The following SFXN3 variants were observed in gnomAD, a reference collection of about 807,000 sequenced individuals.
The protein encoded by SFXN3 is sideroflexin-3.
In SFXN3, 31 loss-of-function variants were observed where a neutral mutation model predicts 40.4. That is an observed-to-expected ratio of 0.77 (90% CI 0.58 to 1.04). The LOEUF (loss-of-function observed/expected upper bound fraction) is 1.04. Among genes scored for constraint, SFXN3 ranks in the 50% least tolerant of loss-of-function variants. The pLI is 0.00. For missense variants in SFXN3, 366 were observed against 408.2 expected (o/e 0.90, Z 0.89); for synonymous variants, 157 against 160.0 (o/e 0.98, Z 0.14).
In SFXN3 at chr10:101,034,345, G is replaced by A. The variant is rs556620332; in HGVS notation, c.-3-347G>A. Among the ~76,000 whole-genome samples, 14 of 152,316 alleles carry A rather than the reference G, an allele frequency of 9.2e-5. No individual in the cohort carries two copies. In the South Asian group the frequency reaches 2.7e-3, roughly 29 times the overall value. Reference sequence around the variant, plus strand: ...ACAAGGCACGTCCTGCACATCCCTAGATCCCTTAAACCTTGATTTTATACA... The same window carrying A: ...ACAAGGCACGTCCTGCACATCCCTAAATCCCTTAAACCTTGATTTTATACA... On this transcript the variant is annotated intron_variant, in intron 2 of 11. Coordinates refer to ENST00000393459, the Ensembl canonical transcript of SFXN3.
At position 101,039,489 on chromosome 10, in the gene SFXN3, C is replaced by T. The variant is rs1564650676; in HGVS notation, c.870C>T (p.Ser290=). 6.2e-7 allele frequency: 1 copy of T among 1,613,938 alleles called. No individual in the cohort carries two copies. Among genetic ancestry groups the T allele is most frequent in the Non-Finnish European group, 8.5e-7 (1 of 1,179,846 alleles). The change falls in exon 12 of 12, where the codon AGC becomes AGT. Residue 290 remains serine (S), a splice_region_variant and synonymous_variant. Coordinates refer to ENST00000393459, the Ensembl canonical transcript of SFXN3. The surrounding 1 kb of genome is among the most constrained non-coding windows in gnomAD (Gnocchi z 4.6). ...ACTGGCCTGTGCTGTTCTATTGCAG[C>T]TCCATACACATAAGCAACCTGGAAC...
chr10:101,038,416 T>G, intron 9 of SFXN3: 1 of 1,411,936 alleles, frequency 7.1e-7, no homozygotes, highest in South Asian at 1.6e-5. Flanking sequence ...TTCTGAGAGG[T>G]GAGAGGTCAT....
At chr10:101,031,656 C>G (rs1465020686) in intron 1 of SFXN3, 122 bp downstream of exon 1, 1 of 152,304 alleles carries the variant, frequency 6.6e-6, no homozygotes, top group Non-Finnish European at 1.5e-5. Flanking sequence ...CAGCTGGTCC[C>G]AGGACCGGAA....
rs1171110320 is a variant in SFXN3 at position 101,036,237 on chromosome 10, C to G, written c.431+136C>G. Reference sequence around the variant, plus strand: ...TCAGCGCCCTCTCCTCAGCCTGCCCCACCCCGAATTACCCTGCCTAACTGA... The same window carrying G: ...TCAGCGCCCTCTCCTCAGCCTGCCCGACCCCGAATTACCCTGCCTAACTGA... On this transcript the variant is annotated intron_variant, in intron 5 of 11. Coordinates refer to ENST00000393459, the Ensembl canonical transcript of SFXN3. The surrounding 1 kb of genome is among the most constrained non-coding windows in gnomAD (Gnocchi z 4.2). The G allele has an allele frequency of 2.5e-6, 2 of 808,458 alleles. No homozygotes were observed. Among genetic ancestry groups the G allele is most frequent in the South Asian group, 1.6e-5 (1 of 61,974 alleles). 50.1% of individuals were successfully genotyped at this position (808,458 alleles called of 1,614,324 possible).
rs1024477181 is a variant in SFXN3 at position 101,039,497 on chromosome 10, A to G, written c.878A>G (p.His293Arg). Residue 293 changes from histidine (H) to arginine (R), a missense_variant, in exon 12 of 12, where the codon CAC (histidine) becomes CGC (arginine). His to Arg is a conservative substitution (Grantham distance 29). Coordinates refer to ENST00000393459, the Ensembl canonical transcript of SFXN3. The surrounding 1 kb of genome is among the most constrained non-coding windows in gnomAD (Gnocchi z 4.6). ...GTGCTGTTCTATTGCAGCTCCATAC[A>G]CATAAGCAACCTGGAACCAGAGCTG... The G allele has an allele frequency of 3.1e-6, 5 of 1,614,072 alleles. No homozygotes were observed. The highest frequency in any genetic ancestry group is 3.4e-6 in the Non-Finnish European group (4 of 1,179,956).
intron 3 of SFXN3, 79 bp from the exon 4 acceptor site, chr10:101,035,418 C>A (rs1447782616): frequency 2.7e-6 from 4 of 1,495,072 alleles, no homozygotes; most frequent in African/African-American, 1.4e-5. Flanking sequence ...CCAGAGTTAC[C>A]CTGAGCTGGG....
chr10:101,034,939 G>T (rs754928425), intron 3 of SFXN3, 84 bp downstream of exon 3: 74 of 1,504,814 alleles, frequency 4.9e-5, no homozygotes, highest in Non-Finnish European at 6.4e-5. Context: ...GCCTCCTCAA[G>T]CTTGACAGTG....
At chr10:101,040,450 C>A (rs1448069336) in exon 12 of SFXN3, 1 of 152,220 alleles carries the variant, frequency 6.6e-6, no homozygotes, top group African/African-American at 2.4e-5. Flanking sequence ...TCCACTGCAC[C>A]CCCTCCCAAG....
chr10:101,032,623 G>T (rs919551139), intron 2 of SFXN3, 141 bp downstream of exon 2: 15 of 992,196 alleles, frequency 1.5e-5, no homozygotes, highest in Non-Finnish European at 2.1e-5. Context: ...AGGGAGGTTG[G>T]GGGGAGGAAT....
At chr10:101,038,455 A>C in intron 9 of SFXN3, 188 bp from the exon 10 acceptor site, 1 of 1,452,092 alleles carries the variant, frequency 6.9e-7, no homozygotes, top group African/African-American at 1.4e-5. Flanking sequence ...ATCAGCAGAC[A>C]GGCCTGGCTG....
Position 101,037,222 on chromosome 10 carries a change from G to A in SFXN3, c.721+19G>A. The A allele has an allele frequency of 6.2e-7, 1 of 1,613,746 alleles. No homozygotes were observed. The highest frequency in any genetic ancestry group is 8.5e-7 in the Non-Finnish European group (1 of 1,180,004). ...GCCATGGGTAAGGCGGGAGTGGCTGGGTGGGGCATAGGAGACTCTGAGAGA... is the reference window on the plus strand; with the variant it reads ...GCCATGGGTAAGGCGGGAGTGGCTGAGTGGGGCATAGGAGACTCTGAGAGA... On this transcript the variant is annotated intron_variant, in intron 8 of 11. Coordinates refer to ENST00000393459, the Ensembl canonical transcript of SFXN3.
At position 101,036,727 on chromosome 10, in the gene SFXN3, T is replaced by C; in HGVS notation, c.512T>C (p.Leu171Pro). ...AACAACACCCTTCCTCCCCAGCACC[T>C]GCCCCCCTTGGTCGGCAGATTTGTG... Residue 171 changes from leucine (L) to proline (P), a missense_variant, in exon 7 of 12, where the codon CTG (leucine) becomes CCG (proline). Physicochemically the swap from Leu to Pro is moderately conservative, Grantham distance 98. Coordinates refer to ENST00000393459, the Ensembl canonical transcript of SFXN3. The surrounding 1 kb of genome is among the most constrained non-coding windows in gnomAD (Gnocchi z 4.2). 4 of 1,610,034 alleles carry C rather than the reference T, an allele frequency of 2.5e-6. No homozygotes were observed. The highest frequency in any genetic ancestry group is 3.4e-6 in the Non-Finnish European group (4 of 1,176,792).
intron 7 of SFXN3, 29 bp from the exon 8 acceptor site, chr10:101,037,047 G>A: frequency 6.2e-7 from 1 of 1,612,344 alleles, no homozygotes. Flanking sequence ...CGGGGCCTGT[G>A]ATCTGACCCC....
exon 1 of SFXN3, chr10:101,031,297 TC>T (rs1938171424): frequency 6.6e-6 from 1 of 152,284 alleles, no homozygotes; most frequent in East Asian, 1.9e-4. Context: ...GCAGCGGAGT[TC>T]TTTACCCACC....
rs770648118 is a variant in SFXN3, at chr10:101,034,768, G to A, written c.74G>A (p.Arg25Gln). 7 of 1,613,962 alleles carry A rather than the reference G, an allele frequency of 4.3e-6. No homozygotes were observed. Among genetic ancestry groups the A allele is most frequent in the Admixed American group, 1.7e-5 (1 of 60,004 alleles). ...CAAAGTACTTTCCTGGGCAGAGCCC[G>A]GCACTTTTTCACTGTTACTGATCCT... Residue 25 changes from arginine to glutamine, a missense_variant, in exon 3 of 12, where the codon CGG becomes CAG. Physicochemically the swap from Arg to Gln is conservative, Grantham distance 43. Transcript: ENST00000393459.
chr10:101,032,471 G>A, exon 2 of SFXN3: 1 of 1,550,994 alleles, frequency 6.4e-7, no homozygotes, highest in Non-Finnish European at 8.7e-7. Context: ...GCTTCAGAGA[G>A]CGATGGAAAG....
At chr10:101,038,035 G>A (rs1938703692) in intron 9 of SFXN3, 1 of 259,638 alleles carries the variant, frequency 3.9e-6, no homozygotes, top group African/African-American at 2.3e-5. Flanking sequence ...GAAAGCAATG[G>A]GGGTAGTGTA....
rs1268210824 is a variant in SFXN3, at chr10:101,039,292, G to A, written c.869+70G>A. 2 of 1,424,962 alleles carry A rather than the reference G, an allele frequency of 1.4e-6. No individual in the cohort carries two copies. The highest frequency in any genetic ancestry group is 2.8e-5 in the African/African-American group (2 of 70,658). The allele number at this position is 1,424,962 out of a possible 1,614,324, so 88.3% of individuals were successfully genotyped here. A position where few individuals can be genotyped will look rare whatever the true frequency, so the allele number is the denominator to read the frequency against. On this transcript the variant is annotated intron_variant, in intron 11 of 11. Transcript: ENST00000393459. The surrounding 1 kb of genome is among the most constrained non-coding windows in gnomAD (Gnocchi z 4.6). Reference sequence around the variant, plus strand: ...CTGCATCTCTGGACCAGCTGACCTAGGGTCTTCCAGGGTGTTCAGGAGGAG... The same window carrying A: ...CTGCATCTCTGGACCAGCTGACCTAAGGTCTTCCAGGGTGTTCAGGAGGAG...
At position 101,037,162 on chromosome 10, in the gene SFXN3, AG is replaced by A. The variant is rs775374022; in HGVS notation, c.682del (p.Val228TrpfsTer2). 2 of 1,613,938 alleles carry A rather than the reference AG, an allele frequency of 1.2e-6. 1 individual carries two copies. Among genetic ancestry groups the A allele is most frequent in the South Asian group, 2.2e-5 (2 of 91,080 alleles). Reference sequence around the variant, plus strand: ...ACTGCAGCCAAGCAGGGAATCTTCCAGGTGGTGATTTCAAGAATCTGCATGG... The same window carrying A: ...ACTGCAGCCAAGCAGGGAATCTTCCAGTGGTGATTTCAAGAATCTGCATGG... On this transcript the variant is annotated frameshift_variant, in exon 8 of 12. Transcript: ENST00000393459. LOFTEE classifies it high-confidence loss of function.
Sources: allele counts gnomAD v4.1 joint callset (sites outside exome capture counted in the v4.1 genomes callset), GRCh38; gene constraint gnomAD v4.1.1; non-coding constraint Gnocchi (gnomAD v3.1); transcripts MANE v1.5; gene names NCBI Gene and HGNC (gene_info 2026-07-23, HGNC 2026-07-21).